Variants in NUP98 observed in about 807,000 individuals in gnomAD.
NUP98 encodes the protein nucleoporin 98 and 96 precursor.
In NUP98, 26 loss-of-function variants were observed where a neutral mutation model predicts 191.9. The ratio of observed to expected loss-of-function variants is 0.14; its 90% confidence interval spans 0.10 to 0.19. The LOEUF is 0.19. Ranked by LOEUF, NUP98 falls within the 10% of genes least tolerant of loss-of-function variation. The probability of loss-of-function intolerance (pLI) is 1.00; values close to 1 mark genes in which losing one functional copy is unlikely to be tolerated. For missense variants in NUP98, 1,941 were observed against 2,178.8 expected (o/e 0.89, Z 2.17); for synonymous variants, 808 against 778.4 (o/e 1.04, Z -0.63).
At chr11:3,758,678 A>T (rs2081060803) in intron 10 of NUP98, among the ~76,000 whole-genome samples, 1 of 152,022 alleles carries the variant, frequency 6.6e-6, no homozygotes. Context: ...CCACCTACTC[A>T]GGAGGCCGAG....
chr11:3,792,908 C>G (rs1190431820), intron 1 of NUP98, among the ~76,000 whole-genome samples: 1 of 151,836 alleles, frequency 6.6e-6, no homozygotes, highest in African/African-American at 2.4e-5. Flanking sequence ...CACTTGAGGC[C>G]AGGAGTTCAA....
chr11:3,791,533 C>CAA (rs71041395), intron 1 of NUP98, among the ~76,000 whole-genome samples: 1,203 of 66,976 alleles, frequency 0.018, 44 homozygotes, highest in African/African-American at 0.061. Flanking sequence ...GACCTCGTCT[C>CAA]AAAAAAAAAA....
chr11:3,730,096 A>G (rs1292519599), intron 14 of NUP98, among the ~76,000 whole-genome samples: 1 of 151,810 alleles, frequency 6.6e-6, no homozygotes, highest in East Asian at 2.0e-4. Context: ...TTAGCCAGGC[A>G]TGGTGGCACG....
intron 12 of NUP98, among the ~76,000 whole-genome samples, chr11:3,736,519 TG>T (rs1048825273): frequency 6.6e-6 from 1 of 151,948 alleles, no homozygotes; most frequent in African/African-American, 2.4e-5. Context: ...TAGCTGGGCG[TG>T]GGGGCGCACA....
intron 1 of NUP98, among the ~76,000 whole-genome samples, chr11:3,788,935 G>A (rs561845199): frequency 1.3e-5 from 2 of 151,948 alleles, no homozygotes; most frequent in African/African-American, 2.4e-5. Context: ...TAACAACAGT[G>A]AAACTCCATC....
chr11:3,700,702 C>T lies in NUP98; in HGVS notation c.3650G>A (p.Cys1217Tyr). 6.2e-7 allele frequency: 1 copy of T among 1,614,170 alleles called. No homozygotes were observed. Among genetic ancestry groups the T allele is most frequent in the Non-Finnish European group, 8.5e-7 (1 of 1,180,024 alleles). ...KHSTVHVDELCPLIVPNLGVA... is the reference protein window; with the variant it reads ...KHSTVHVDELYPLIVPNLGVA... The stretch of plus-strand genomic sequence containing the variant: ...TCCCAGATTGGGGACAATGAGAGGA[C>T]ACAGTTCATCCACATGGACAGTGCT... Residue 1217 changes from cysteine (C) to tyrosine (Y), a missense_variant, in exon 24 of 33, where the codon TGT (cysteine) becomes TAT (tyrosine). Physicochemically the swap from Cys to Tyr is radical, Grantham distance 194 (BLOSUM62 -2). Around this residue, in one of 6 missense-constraint regions of NUP98, gnomAD observed 1,030 missense variants for 1,115.8 expected, o/e 0.92. Transcript: ENST00000324932.
intron 1 of NUP98, among the ~76,000 whole-genome samples, chr11:3,784,595 AC>A (rs201207527): frequency 1.4e-5 from 2 of 144,206 alleles, no homozygotes; most frequent in Non-Finnish European, 1.5e-5. Context: ...CAAAAAAAAA[AC>A]AAAAAAAAAC....
chr11:3,757,141 A>G (rs995862738), intron 10 of NUP98, among the ~76,000 whole-genome samples: 4 of 148,802 alleles, frequency 2.7e-5, no homozygotes, highest in Non-Finnish European at 5.9e-5. Flanking sequence ...CTATATGTGT[A>G]TATATATATA....
chr11:3,792,797 T>C (rs1259949250), intron 1 of NUP98, among the ~76,000 whole-genome samples: 1 of 152,172 alleles, frequency 6.6e-6, no homozygotes, highest in African/African-American at 2.4e-5. Flanking sequence ...ATGACACAGT[T>C]TCAGATTCCA....
intron 1 of NUP98, among the ~76,000 whole-genome samples, chr11:3,783,274 G>C (rs2082036067): frequency 2.0e-5 from 3 of 152,064 alleles, no homozygotes. Flanking sequence ...TGTAGTCCCA[G>C]CTACTCTGTT....
chr11:3,700,597 A>G lies in NUP98; in HGVS notation c.3742+13T>C, dbSNP rs773713800. 3.2e-6 allele frequency: 5 copies of G among 1,561,030 alleles called. No homozygotes were observed. Among genetic ancestry groups the G allele is most frequent in the Admixed American group, 3.4e-5 (2 of 59,376 alleles). ...TTGGGACATCAAACATTAGAAACATAGTGTGTACTCACTTTGTGCTTCTGG... is the reference window on the plus strand; with the variant it reads ...TTGGGACATCAAACATTAGAAACATGGTGTGTACTCACTTTGTGCTTCTGG... On this transcript the variant is annotated intron_variant, in intron 24 of 32. Transcript: ENST00000324932.
At chr11:3,771,634 G>T in intron 7 of NUP98, 114 bp downstream of exon 7, 1 of 849,690 alleles carries the variant, frequency 1.2e-6, no homozygotes, top group South Asian at 1.8e-5. Context: ...TATTCCTATG[G>T]TATCCCTGAA....
rs1328300949 is a variant in NUP98 at position 3,675,984 on chromosome 11, C to T, written c.*175G>A. On this transcript the variant is annotated 3_prime_UTR_variant, in exon 33 of 33. Coordinates refer to ENST00000324932, the MANE Select transcript of NUP98 (RefSeq NM_016320.5). ...CTGGGTTCCAGAAGCCCTTATGCTA[C>T]GTTCAGTATTAAGAAAAGCCCTGAA... 3 of 612,274 alleles carry T rather than the reference C, an allele frequency of 4.9e-6. No individual in the cohort carries two copies. Among genetic ancestry groups the T allele is most frequent in the South Asian group, 2.0e-5 (1 of 50,556 alleles). The allele number at this position is 612,274 out of a possible 1,614,324, so 37.9% of individuals were successfully genotyped here. A position where few individuals can be genotyped will look rare whatever the true frequency, so the allele number is the denominator to read the frequency against.
chr11:3,696,820 AAAAACAAAAC>A (rs1469301015), intron 25 of NUP98: 1 of 136,544 alleles, frequency 7.3e-6, no homozygotes, highest in Non-Finnish European at 1.6e-5. Context: ...AAACAAAAAC[AAAAACAAAAC>A]AAAAAACAAA....
At chr11:3,779,984 G>C (rs183082711) in intron 2 of NUP98, among the ~76,000 whole-genome samples, 1 of 152,028 alleles carries the variant, frequency 6.6e-6, no homozygotes, top group Non-Finnish European at 1.5e-5. Context: ...AGAAAAATTA[G>C]TGACACTCCG....
chr11:3,794,682 T>C (rs1039998712), intron 1 of NUP98, among the ~76,000 whole-genome samples: 1 of 152,288 alleles, frequency 6.6e-6, no homozygotes, highest in Non-Finnish European at 1.5e-5. Context: ...AGTGGTGCAA[T>C]CACAGCACTG....
Position 3,792,667 on chromosome 11 carries a change from C to T in NUP98, c.-29+4733G>A, listed in dbSNP as rs141916060. 5.5e-3 allele frequency among the ~76,000 whole-genome samples: 833 copies of T among 152,126 alleles called. 4 individuals are homozygous for T. The highest frequency in any genetic ancestry group is 8.6e-3 in the Non-Finnish European group (582 of 67,990). ...ACAAAAAAAGAAGATCTGCATAACT[C>T]AGTAAATCAATAATTTCAAAATCAA... On this transcript the variant is annotated intron_variant, in intron 1 of 32. Coordinates refer to ENST00000324932, the MANE Select transcript of NUP98 (RefSeq NM_016320.5).
At chr11:3,787,446 G>A (rs532817261) in intron 1 of NUP98, among the ~76,000 whole-genome samples, 5 of 152,216 alleles carry the variant, frequency 3.3e-5, no homozygotes, top group East Asian at 1.9e-4. Context: ...AGCCAGAAGC[G>A]GTGGCGCATG....
intron 10 of NUP98, 149 bp downstream of exon 10, chr11:3,760,390 G>A: frequency 1.7e-6 from 2 of 1,197,174 alleles, no homozygotes; most frequent in South Asian, 2.7e-5. Flanking sequence ...CCGCTTACCT[G>A]AGAACTTTTA....
Sources: gnomAD v4.1 joint callset for allele counts (sites outside exome capture counted in the v4.1 genomes callset) on GRCh38, gnomAD v4.1.1 for gene constraint, gnomAD v4.1.1 regional missense constraint, MANE v1.5 for transcripts, NCBI Gene and HGNC (gene_info 2026-07-23, HGNC 2026-07-21) for gene names.